UTP4: variants seen among roughly 807,000 people sequenced by gnomAD.
The protein encoded by UTP4 is U3 small nucleolar RNA-associated protein 4 homolog.
A neutral mutation model predicts 82.4 loss-of-function variants in UTP4; 45 were observed. That is an observed-to-expected ratio of 0.55 (90% CI 0.43 to 0.70). UTP4 has a LOEUF of 0.70. UTP4 is among the 30% of genes least tolerant of loss of function. The pLI is 0.00. For missense variants in UTP4, 819 were observed against 858.3 expected, an observed-to-expected ratio of 0.95 and a Z score of 0.57; for synonymous variants, 348 against 300.3, an observed-to-expected ratio of 1.16 and a Z score of -1.64.
intron 11 of UTP4, among the ~76,000 whole-genome samples, 161 bp downstream of exon 11, chr16:69,156,154 C>CTTTTTTTT (rs36043898): frequency 1.8e-4 from 23 of 130,460 alleles, no homozygotes; most frequent in African/African-American, 3.5e-4. Flanking sequence ...TTCTTTCTTT[C>CTTTTTTTT]TTTTTTTTTT....
chr16:69,144,266 A>G (rs1200555273), intron 6 of UTP4, among the ~76,000 whole-genome samples: 2 of 151,562 alleles, frequency 1.3e-5, no homozygotes, highest in African/African-American at 2.4e-5. Context: ...CAGTGGCACA[A>G]TCTTGGCTCA....
chr16:69,142,082 T>C (rs189258614), intron 5 of UTP4: 1 of 151,722 alleles, frequency 6.6e-6, no homozygotes, highest in East Asian at 1.9e-4. Flanking sequence ...TTTATTTGTT[T>C]CTGTTAGTCC....
At chr16:69,133,254 GC>G (rs1167660761) in intron 1 of UTP4, among the ~76,000 whole-genome samples, 2 of 151,920 alleles carry the variant, frequency 1.3e-5, no homozygotes, top group African/African-American at 4.8e-5. Flanking sequence ...TTTTGCTGAA[GC>G]CTCCTTATTA....
rs1963720435 is a variant in UTP4 at position 69,167,081 on chromosome 16, C to G, written c.1840C>G (p.Pro614Ala). 12 of 1,611,994 alleles carry G rather than the reference C, an allele frequency of 7.4e-6. No individual in the cohort carries two copies. Among genetic ancestry groups the G allele is most frequent in the Non-Finnish European group, 9.3e-6 (11 of 1,178,122 alleles). ...FCIIDKSLPLPNDKTLLYNPF... is the reference protein window; with the variant it reads ...FCIIDKSLPLANDKTLLYNPF... ...TGTGTCTTTGTTTTTTTAGCCCCTT[C>G]CAAATGACAAAACCTTACTCTACAA... Residue 614 changes from proline to alanine, a missense_variant, in exon 16 of 17, where the codon CCA (proline) becomes GCA (alanine). Coordinates refer to ENST00000314423, the MANE Select transcript of UTP4 (RefSeq NM_032830.3).
intron 4 of UTP4, 158 bp from the exon 5 acceptor site, chr16:69,139,667 T>TAAATAAAA (rs1962905612): frequency 1.2e-5 from 3 of 259,378 alleles, no homozygotes; most frequent in Non-Finnish European, 2.1e-5. Flanking sequence ...AATAAATAAA[T>TAAATAAAA]AAATAAATAA....
chr16:69,133,611 A>T lies in UTP4; in HGVS notation c.152A>T (p.Gln51Leu). ...EIYNLSANYF[Q>L]EKFFPGHESR... is the part of the protein sequence containing the mutation. ...TATAACTTGTCAGCAAACTACTTTC[A>T]GGAGAAAGTAAGTCATTTGGGAGTC... Residue 51 changes from glutamine to leucine, a missense_variant, in exon 2 of 17, where the codon CAG (glutamine) becomes CTG (leucine). By Grantham distance (113) the Gln-to-Leu change is moderately radical. Transcript: ENST00000314423. 1 of 1,613,978 alleles carries T rather than the reference A, an allele frequency of 6.2e-7. No individual in the cohort carries two copies.
chr16:69,152,209 C>T (rs1278475648), intron 8 of UTP4, among the ~76,000 whole-genome samples: 2 of 151,932 alleles, frequency 1.3e-5, no homozygotes, highest in Non-Finnish European at 2.9e-5. Flanking sequence ...GGTTCCTTTA[C>T]AGTAGCTTCT....
intron 2 of UTP4, among the ~76,000 whole-genome samples, chr16:69,135,884 C>T (rs1322876434): frequency 2.0e-5 from 3 of 152,142 alleles, no homozygotes; most frequent in East Asian, 3.9e-4. Context: ...AAAAAAATAG[C>T]GGGACGTGGT....
At chr16:69,150,969 C>A in intron 8 of UTP4, 65 bp downstream of exon 8, 4 of 1,243,708 alleles carry the variant, frequency 3.2e-6, no homozygotes, top group Non-Finnish European at 4.7e-6. Context: ...CCCTGTCCCA[C>A]AAGCTCTGAA....
rs115983412 is a variant in UTP4 at position 69,147,742 on chromosome 16, G to A, written c.739-2795G>A. 5.1e-3 allele frequency among the ~76,000 whole-genome samples: 771 copies of A among 152,246 alleles called. 4 individuals carry two copies. Among genetic ancestry groups the A allele is most frequent in the African/African-American group, 0.018 (739 of 41,542 alleles). On this transcript the variant is annotated intron_variant, in intron 6 of 16. Coordinates refer to ENST00000314423, the MANE Select transcript of UTP4 (RefSeq NM_032830.3). Reference sequence around the variant, plus strand: ...CCCTGATACACATAGCCTGACGGTAGTTTTGTACAATATTTTATTCATTTT... The same window carrying A: ...CCCTGATACACATAGCCTGACGGTAATTTTGTACAATATTTTATTCATTTT...
At chr16:69,154,350 C>CT in intron 9 of UTP4, 43 bp from the exon 10 acceptor site, 1 of 1,464,628 alleles carries the variant, frequency 6.8e-7, no homozygotes, top group Non-Finnish European at 9.6e-7. Flanking sequence ...TACAAATACT[C>CT]TTTCTTTCAT....
intron 1 of UTP4, 43 bp from the exon 2 acceptor site, chr16:69,133,415 G>T (rs778632267): frequency 2.5e-6 from 4 of 1,584,818 alleles, no homozygotes; most frequent in Non-Finnish European, 3.5e-6. Flanking sequence ...GTGACATACT[G>T]CAGTTAACAT....
Position 69,132,953 on chromosome 16 carries a change from G to A in UTP4, c.-3+264G>A, listed in dbSNP as rs1241381447. ...AGCTAGGCCAGTGAGGGGCGAACAA[G>A]ACCTGGTCTCTACTCTCGGCCAGTA... is the stretch of plus-strand genomic sequence containing the variant. On this transcript the variant is annotated intron_variant, in intron 1 of 16. Transcript: ENST00000314423. The A allele has an allele frequency of 3.7e-5, 8 of 214,344 alleles. No individual in the cohort carries two copies. In the East Asian group the frequency reaches 1.2e-3, roughly 31 times the overall value. 13.3% of individuals were successfully genotyped at this position (214,344 alleles called of 1,614,324 possible).
chr16:69,151,548 C>T (rs1164577189), intron 8 of UTP4, among the ~76,000 whole-genome samples: 3 of 150,552 alleles, frequency 2.0e-5, no homozygotes, highest in Non-Finnish European at 3.0e-5. Flanking sequence ...TCTTGATCTC[C>T]TGACTTCGTG....
chr16:69,160,515 C>CA, intron 13 of UTP4, 53 bp downstream of exon 13: 1 of 1,287,368 alleles, frequency 7.8e-7, no homozygotes, highest in Non-Finnish European at 1.1e-6. Context: ...GGAGCCAGTT[C>CA]ACCCTGCAGT....
In UTP4 at chr16:69,136,881, A is replaced by G. The variant is rs941707024; in HGVS notation, c.345A>G (p.Gln115=). 3 of 1,614,134 alleles carry G rather than the reference A, an allele frequency of 1.9e-6. No individual in the cohort carries two copies. Among genetic ancestry groups the G allele is most frequent in the Non-Finnish European group, 1.7e-6 (2 of 1,179,984 alleles). ...TGGCTGCCAGCCCCAGTGGCTCTCA[A>G]CTTTTGGTTAGTAAGCAACTATTGG... is the stretch of plus-strand genomic sequence containing the variant. ...WSMAASPSGS[Q]LLVGCEDGSV... Residue 115 remains glutamine (Q), a synonymous_variant, in exon 3 of 17, where the codon CAA becomes CAG. Transcript: ENST00000314423.
At chr16:69,154,021 G>A (rs1409297805) in intron 9 of UTP4, among the ~76,000 whole-genome samples, 1 of 152,134 alleles carries the variant, frequency 6.6e-6, no homozygotes. Context: ...TGATAATCCT[G>A]TAGAAAAAGA....
In UTP4 at chr16:69,153,831, T is replaced by C. The variant is rs1963341404; in HGVS notation, c.1099+151T>C. ...TTTCCCACCCATTAGATAAAGCAAA[T>C]AAGCTGTTTAGAGTATTAGAATCTT... On this transcript the variant is annotated intron_variant, in intron 9 of 16. Transcript: ENST00000314423. 4.3e-6 allele frequency: 3 copies of C among 692,500 alleles called. No homozygotes were observed. In the Admixed American group the frequency reaches 6.5e-5, roughly 15 times the overall value. 42.9% of individuals were successfully genotyped at this position (692,500 alleles called of 1,614,324 possible).
chr16:69,147,394 A>C (rs1371152204), intron 6 of UTP4, among the ~76,000 whole-genome samples: 1 of 151,692 alleles, frequency 6.6e-6, no homozygotes, highest in African/African-American at 2.4e-5. Flanking sequence ...AGTCCCAGCT[A>C]CTCGGGAGGC....
Sources: gnomAD v4.1 joint callset for allele counts (sites outside exome capture counted in the v4.1 genomes callset) on GRCh38, gnomAD v4.1.1 for gene constraint, MANE v1.5 for transcripts, NCBI Gene and HGNC (gene_info 2026-07-23, HGNC 2026-07-21) for gene names.